The following TNRC6B variants were observed in gnomAD, a reference collection of about 807,000 sequenced individuals.
TNRC6B encodes trinucleotide repeat containing adaptor 6B.
In TNRC6B, 52 loss-of-function variants were observed where a neutral mutation model predicts 203.6. That is an observed-to-expected ratio of 0.26 (90% CI 0.20 to 0.32). The LOEUF is 0.32. Ranked by LOEUF, TNRC6B falls within the 10% of genes least tolerant of loss-of-function variation. The pLI is 1.00. For synonymous variants in TNRC6B, 838 were observed against 845.7 expected (o/e 0.99, Z 0.16); for missense variants, 1,923 against 2,286.2 (o/e 0.84, Z 3.24).
chr22:40,090,649 G>A (rs533160800), intron 1 of TNRC6B, among the ~76,000 whole-genome samples: 55 of 151,842 alleles, frequency 3.6e-4, no homozygotes, highest in Admixed American at 2.4e-3. Flanking sequence ...TCATTCTCTC[G>A]ATTAACTTAA....
intron 4 of TNRC6B, among the ~76,000 whole-genome samples, chr22:40,170,817 ATGTG>A (rs371195679): frequency 3.5e-5 from 2 of 56,806 alleles, no homozygotes; most frequent in African/African-American, 1.8e-4. Flanking sequence ...ATGTACATAT[ATGTG>A]TGTGTATATA....
At chr22:40,136,371 T>TGTG (rs2068599012) in intron 3 of TNRC6B, among the ~76,000 whole-genome samples, 1 of 141,118 alleles carries the variant, frequency 7.1e-6, no homozygotes, top group Non-Finnish European at 1.5e-5. Context: ...TATGTTTATC[T>TGTG]TGTGTGTGTG....
intron 12 of TNRC6B, among the ~76,000 whole-genome samples, chr22:40,291,924 G>A (rs770157706): frequency 2.0e-5 from 3 of 152,230 alleles, no homozygotes; most frequent in Non-Finnish European, 2.9e-5. Context: ...CGGGCTCAGT[G>A]GCCCATGCCT....
At chr22:40,282,430 G>A (rs2070730597) in intron 11 of TNRC6B, among the ~76,000 whole-genome samples, 1 of 152,066 alleles carries the variant, frequency 6.6e-6, no homozygotes, top group African/African-American at 2.4e-5. Flanking sequence ...CTTCCACAGA[G>A]GACATGGATA....
At chr22:40,285,874 C>A in intron 12 of TNRC6B, 104 bp downstream of exon 12, 1 of 1,403,068 alleles carries the variant, frequency 7.1e-7, no homozygotes, top group Non-Finnish European at 9.6e-7. Context: ...TAGTAAGTAG[C>A]ATAAAATATG....
intron 1 of TNRC6B, among the ~76,000 whole-genome samples, chr22:40,051,480 A>T (rs937755243): frequency 6.6e-5 from 10 of 152,100 alleles, no homozygotes; most frequent in African/African-American, 2.4e-4. Context: ...GAGCCTACTT[A>T]CCCTTTGACA....
At chr22:40,077,794 T>G (rs2068030948) in intron 1 of TNRC6B, among the ~76,000 whole-genome samples, 1 of 152,152 alleles carries the variant, frequency 6.6e-6, no homozygotes, top group Non-Finnish European at 1.5e-5. Context: ...TATACACACT[T>G]GGAGAAGTTT....
intron 1 of TNRC6B, among the ~76,000 whole-genome samples, chr22:40,186,854 G>A (rs996865042): frequency 3.3e-5 from 5 of 151,512 alleles, no homozygotes; most frequent in Admixed American, 1.3e-4. Flanking sequence ...AAATGTTAAC[G>A]CAACATTTTA....
chr22:40,102,772 C>G (rs981194984), intron 1 of TNRC6B, among the ~76,000 whole-genome samples: 10 of 151,400 alleles, frequency 6.6e-5, no homozygotes, highest in Non-Finnish European at 1.3e-4. Flanking sequence ...GACCCCATCT[C>G]TAAAAAAATA....
chr22:40,167,264 C>G (rs1337031230), intron 4 of TNRC6B, among the ~76,000 whole-genome samples: 1 of 152,076 alleles, frequency 6.6e-6, no homozygotes, highest in African/African-American at 2.4e-5. Context: ...TCCAGAATGG[C>G]CGAAGTCACT....
intron 3 of TNRC6B, among the ~76,000 whole-genome samples, chr22:40,137,931 CG>C (rs2068613823): frequency 6.7e-6 from 1 of 148,750 alleles, no homozygotes; most frequent in Non-Finnish European, 1.5e-5. Context: ...TGCAGTGAGC[CG>C]AGATCACACC....
rs2067774494 is a variant in TNRC6B at position 40,054,257 on chromosome 22, A to G, written c.-121+9259A>G. On this transcript the variant is annotated intron_variant, in intron 1 of 23. Transcript: ENST00000301923. The stretch of plus-strand genomic sequence containing the variant: ...GTGAGGCCTAAAGACCCTGATAAGA[A>G]CCTGAATTCTTGTTCTTGCCTTTTT... Among the ~76,000 whole-genome samples, 3 of 152,104 alleles carry G rather than the reference A, an allele frequency of 2.0e-5. No individual in the cohort carries two copies. In the South Asian group the frequency reaches 6.2e-4, roughly 32 times the overall value.
Position 40,273,463 on chromosome 22 carries a change from G to T in TNRC6B, c.3004G>T (p.Gly1002Trp), listed in dbSNP as rs778831852. ...SMQDGWGESD[G>W]PVTGARHPSW... ...GCAAGACGGCTGGGGGGAGAGTGACGGGCCAGTCACAGGAGCTCGCCATCC... is the reference window on the plus strand; with the variant it reads ...GCAAGACGGCTGGGGGGAGAGTGACTGGCCAGTCACAGGAGCTCGCCATCC... Residue 1002 changes from glycine to tryptophan, a missense_variant, in exon 7 of 23, where the codon GGG (glycine) becomes TGG (tryptophan). Gly to Trp is a radical substitution (Grantham distance 184). This residue lies in a region of TNRC6B where 599 missense variants were observed against 656.5 expected (regional missense o/e 0.91). Coordinates refer to ENST00000454349, the MANE Select transcript of TNRC6B (RefSeq NM_001162501.2). 1 of 1,610,232 alleles carries T rather than the reference G, an allele frequency of 6.2e-7. No homozygotes were observed. The highest frequency in any genetic ancestry group is 1.7e-5 in the Admixed American group (1 of 59,544).
At chr22:40,290,048 G>A (rs959159503) in intron 12 of TNRC6B, among the ~76,000 whole-genome samples, 3 of 152,262 alleles carry the variant, frequency 2.0e-5, no homozygotes, top group African/African-American at 4.8e-5. Flanking sequence ...AGCCACCGCC[G>A]TTTCTGTCTA....
At position 40,148,432 on chromosome 22, in the gene TNRC6B, T is replaced by C. The variant is rs375836052; in HGVS notation, c.46-7683T>C. ...CTGAGTAGCTGGGATTACAGGCGCC[T>C]GCCACCACGCCCAGCTAATTTTTGT... On this transcript the variant is annotated intron_variant, in intron 3 of 23. Transcript: ENST00000301923. 1.8e-3 allele frequency among the ~76,000 whole-genome samples: 272 copies of C among 152,002 alleles called. 6 individuals carry two copies. The South Asian group carries it at 0.048, about 27-fold the overall frequency.
intron 4 of TNRC6B, among the ~76,000 whole-genome samples, chr22:40,164,834 G>A (rs2068904887): frequency 6.8e-6 from 1 of 147,492 alleles, no homozygotes; most frequent in African/African-American, 2.5e-5. Flanking sequence ...CTGGAGTGCA[G>A]TGACACGATC....
At chr22:40,178,274 A>G (rs2069089064) in intron 1 of TNRC6B, 134 bp downstream of exon 1, 4 of 992,734 alleles carry the variant, frequency 4.0e-6, no homozygotes, top group African/African-American at 1.7e-5. Context: ...GGATCTGTGT[A>G]AATCAGACCC....
intron 4 of TNRC6B, among the ~76,000 whole-genome samples, chr22:40,172,125 C>G (rs905886442): frequency 6.6e-6 from 1 of 152,268 alleles, no homozygotes; most frequent in Non-Finnish European, 1.5e-5. Context: ...AGAGATCCGC[C>G]TGCCTTAGCC....
chr22:40,180,707 T>G (rs551426526), intron 1 of TNRC6B, among the ~76,000 whole-genome samples: 1 of 152,330 alleles, frequency 6.6e-6, no homozygotes, highest in South Asian at 2.1e-4. Context: ...TCTGTTGAAG[T>G]TTTCTTTCTG....
Sources: allele counts gnomAD v4.1 joint callset (sites outside exome capture counted in the v4.1 genomes callset), GRCh38; gene constraint gnomAD v4.1.1; regional missense constraint gnomAD v4.1.1; transcripts MANE v1.5; gene names NCBI Gene and HGNC (gene_info 2026-07-23, HGNC 2026-07-21).